ZNF385D: variants seen among roughly 807,000 people sequenced by gnomAD.
ZNF385D encodes the protein zinc finger protein 385D.
ZNF385D carries 15 observed loss-of-function variants against 35.8 expected under a neutral mutation model. That is an observed-to-expected ratio of 0.42 (90% confidence interval 0.28 to 0.64). ZNF385D has a LOEUF of 0.64. Among genes scored for constraint, ZNF385D ranks in the 30% least tolerant of loss-of-function variants. The pLI is 0.23. For synonymous variants in ZNF385D, 212 were observed against 186.8 expected (o/e 1.13, Z -1.10); for missense variants, 474 against 494.6 (o/e 0.96, Z 0.39).
chr3:21,444,395 T>G (rs1702033327), intron 4 of ZNF385D, among the ~76,000 whole-genome samples: 1 of 150,110 alleles, frequency 6.7e-6, no homozygotes, highest in African/African-American at 2.4e-5. Context: ...TTGTTTTTTT[T>G]TTTTTTTGAG....
At chr3:22,167,065 G>C (rs1449748048) in intron 3 of ZNF385D, among the ~76,000 whole-genome samples, 1 of 152,202 alleles carries the variant, frequency 6.6e-6, no homozygotes, top group African/African-American at 2.4e-5. Context: ...CAAATGCCTA[G>C]GCAGATAGGG....
chr3:21,561,460 C>T (rs996625771), intron 3 of ZNF385D, among the ~76,000 whole-genome samples: 1 of 152,178 alleles, frequency 6.6e-6, no homozygotes, highest in Non-Finnish European at 1.5e-5. Context: ...TTCTGCTCGC[C>T]CTCTGTGGGC....
rs1161381580 is a variant in ZNF385D at position 22,308,007 on chromosome 3, T to C, written c.106+64443A>G. On this transcript the variant is annotated intron_variant, in intron 2 of 5. Coordinates refer to the ZNF385D transcript ENST00000494108. ...TTAATACATACATAATCAAATTCCA[T>C]ACTATAATTTAGGTCTCTAGACAGC... Among the ~76,000 whole-genome samples, 6 of 152,216 alleles carry C rather than the reference T, an allele frequency of 3.9e-5. No homozygotes were observed. The South Asian group carries it at 1.0e-3, about 26-fold the overall frequency.
At chr3:21,629,645 T>A (rs756283628) in intron 2 of ZNF385D, among the ~76,000 whole-genome samples, 2 of 152,122 alleles carry the variant, frequency 1.3e-5, no homozygotes, top group Non-Finnish European at 2.9e-5. Context: ...CTAGGAAAGG[T>A]GGCCTCAAAT....
At position 21,706,356 on chromosome 3, in the gene ZNF385D, G is replaced by C. The variant is rs192510436; in HGVS notation, c.23-41328C>G. 5.9e-5 allele frequency among the ~76,000 whole-genome samples: 9 copies of C among 151,704 alleles called. No homozygotes were observed. In the East Asian group the frequency reaches 1.7e-3, roughly 29 times the overall value. On this transcript the variant is annotated intron_variant, in intron 1 of 7. Coordinates refer to ENST00000281523, the MANE Select transcript of ZNF385D (RefSeq NM_024697.3). ...AGACAATCAACTTTTGACAGCTCACGTGACATTTTTACACTGGGATCAATG... is the reference window on the plus strand; with the variant it reads ...AGACAATCAACTTTTGACAGCTCACCTGACATTTTTACACTGGGATCAATG...
At chr3:22,191,605 C>T (rs1449650092) in intron 2 of ZNF385D, among the ~76,000 whole-genome samples, 1 of 151,652 alleles carries the variant, frequency 6.6e-6, no homozygotes, top group Non-Finnish European at 1.5e-5. Context: ...AAAATATGAA[C>T]ATTCTGTTCT....
chr3:21,799,775 ATTT>A (rs369210892), intron 3 of ZNF385D, among the ~76,000 whole-genome samples: 1 of 151,872 alleles, frequency 6.6e-6, no homozygotes, highest in Admixed American at 6.6e-5. Context: ...CATTTTATAT[ATTT>A]TTTCTTGTTA....
chr3:21,920,142 T>C (rs4355303), intron 3 of ZNF385D, among the ~76,000 whole-genome samples: 81,285 of 151,940 alleles, frequency 0.53, 23,796 homozygotes, highest in South Asian at 0.66. Context: ...ACAGAGACTA[T>C]AGGTGTCCCC....
At chr3:21,838,761 T>C (rs531798956) in intron 3 of ZNF385D, among the ~76,000 whole-genome samples, 1 of 152,194 alleles carries the variant, frequency 6.6e-6, no homozygotes, top group East Asian at 1.9e-4. Context: ...GTAAGTTACA[T>C]GCTAACTTAT....
At chr3:21,850,975 T>C (rs568199638) in intron 3 of ZNF385D, among the ~76,000 whole-genome samples, 5 of 151,846 alleles carry the variant, frequency 3.3e-5, no homozygotes, top group African/African-American at 1.2e-4. Context: ...TAAAAATAAT[T>C]AACATGTAAA....
intron 3 of ZNF385D, among the ~76,000 whole-genome samples, chr3:21,794,461 C>T (rs1287406932): frequency 6.6e-6 from 1 of 151,982 alleles, no homozygotes; most frequent in African/African-American, 2.4e-5. Flanking sequence ...AACAAAACAC[C>T]ATAGACTGGG....
chr3:21,505,247 T>C (rs1274025513), intron 4 of ZNF385D, among the ~76,000 whole-genome samples: 1 of 151,954 alleles, frequency 6.6e-6, no homozygotes, highest in East Asian at 1.9e-4. Context: ...AAGTGAGCAA[T>C]GGGCCATGGA....
intron 4 of ZNF385D, among the ~76,000 whole-genome samples, chr3:21,492,785 A>AAATAAAT (rs1705533787): frequency 6.7e-6 from 1 of 149,620 alleles, no homozygotes; most frequent in African/African-American, 2.4e-5. Context: ...AAAAATAAAT[A>AAATAAAT]AATAAATAAA....
At chr3:21,991,580 G>T (rs1274751266) in intron 3 of ZNF385D, among the ~76,000 whole-genome samples, 1 of 152,158 alleles carries the variant, frequency 6.6e-6, no homozygotes, top group East Asian at 1.9e-4. Flanking sequence ...TGGGCAAAAT[G>T]TTCCACCACA....
chr3:22,333,362 A>G (rs1222478199), intron 2 of ZNF385D, among the ~76,000 whole-genome samples: 2 of 152,156 alleles, frequency 1.3e-5, no homozygotes, highest in Admixed American at 6.5e-5. Flanking sequence ...CTTCACACAT[A>G]TATTTCACCG....
At chr3:22,291,148 C>T (rs370373452) in intron 2 of ZNF385D, among the ~76,000 whole-genome samples, 116 of 152,234 alleles carry the variant, frequency 7.6e-4, no homozygotes, top group African/African-American at 2.7e-3. Context: ...CCATAATACT[C>T]CCTCTTCCTC....
At chr3:22,077,111 T>C (rs1700502858) in intron 3 of ZNF385D, among the ~76,000 whole-genome samples, 1 of 151,918 alleles carries the variant, frequency 6.6e-6, no homozygotes, top group Non-Finnish European at 1.5e-5. Flanking sequence ...ATATATATAA[T>C]AAAAAGCATT....
At chr3:22,312,951 ACG>A (rs1703657873) in intron 2 of ZNF385D, among the ~76,000 whole-genome samples, 1 of 142,304 alleles carries the variant, frequency 7.0e-6, no homozygotes, top group Non-Finnish European at 1.5e-5. Flanking sequence ...ACACATGCAC[ACG>A]TATGTTTATT....
At chr3:21,970,489 TGA>T (rs1703178919) in intron 3 of ZNF385D, among the ~76,000 whole-genome samples, 1 of 150,988 alleles carries the variant, frequency 6.6e-6, no homozygotes, top group Non-Finnish European at 1.5e-5. Flanking sequence ...ACAGGCTTTT[TGA>T]AAATAAACAG....
Sources: gnomAD v4.1 joint callset for allele counts (sites outside exome capture counted in the v4.1 genomes callset) on GRCh38, gnomAD v4.1.1 for gene constraint, MANE v1.5 for transcripts, NCBI Gene and HGNC (gene_info 2026-07-23, HGNC 2026-07-21) for gene names.